Variants in TBXAS1 observed in about 807,000 individuals in gnomAD.
The protein encoded by TBXAS1 is thromboxane A synthase 1.
Under a neutral mutation model 60.7 loss-of-function variants are expected in TBXAS1, and 48 were observed. The ratio of observed to expected loss-of-function variants is 0.79; its 90% CI spans 0.63 to 1.01. The LOEUF (loss-of-function observed/expected upper bound fraction) is 1.01. Ranked by LOEUF, TBXAS1 falls within the 50% of genes least tolerant of loss-of-function variation. The probability of loss-of-function intolerance (pLI) is 0.00; values close to 1 mark genes in which losing one functional copy is unlikely to be tolerated. For synonymous variants in TBXAS1, 287 were observed against 269.7 expected (o/e 1.06, Z -0.63); for missense variants, 685 against 686.3 (o/e 1.00, Z 0.02).
chr7:139,985,044 C>A (rs1812343281), intron 9 of TBXAS1, among the ~76,000 whole-genome samples: 1 of 152,196 alleles, frequency 6.6e-6, no homozygotes. Flanking sequence ...GGCTCAAATG[C>A]CCTCCCCAGG....
At chr7:139,993,935 C>T (rs1813116862) in intron 9 of TBXAS1, among the ~76,000 whole-genome samples, 1 of 149,144 alleles carries the variant, frequency 6.7e-6, no homozygotes, top group Non-Finnish European at 1.5e-5. Flanking sequence ...CACTCTGCCA[C>T]CCAGGCTGGA....
chr7:139,902,222 A>C (rs1429821060), intron 3 of TBXAS1, among the ~76,000 whole-genome samples: 3 of 151,862 alleles, frequency 2.0e-5, no homozygotes, highest in Non-Finnish European at 2.9e-5. Flanking sequence ...AGACTATCCT[A>C]TGACCATAAG....
At chr7:139,904,407 T>G (rs180970557) in intron 3 of TBXAS1, among the ~76,000 whole-genome samples, 1 of 151,640 alleles carries the variant, frequency 6.6e-6, no homozygotes, top group East Asian at 1.9e-4. Flanking sequence ...TCTTTTTGCT[T>G]AGTCTTGCTT....
intron 4 of TBXAS1, among the ~76,000 whole-genome samples, chr7:139,813,862 T>A (rs1798084579): frequency 6.6e-6 from 1 of 152,218 alleles, no homozygotes; most frequent in Non-Finnish European, 1.5e-5. Context: ...CCAGGATGAA[T>A]GAGGTGAAGA....
chr7:139,802,464 G>A (rs980403271), intron 4 of TBXAS1, among the ~76,000 whole-genome samples: 2 of 152,276 alleles, frequency 1.3e-5, no homozygotes, highest in African/African-American at 4.8e-5. Context: ...TAGTGAATAA[G>A]TCTCTAGAGA....
chr7:139,952,575 A>G, intron 5 of TBXAS1: 1 of 1,537,260 alleles, frequency 6.5e-7, no homozygotes, highest in Non-Finnish European at 8.7e-7. Context: ...CATGCAAGAG[A>G]GAATAAAAGG....
At chr7:139,961,779 T>C in intron 8 of TBXAS1, 140 bp from the exon 9 acceptor site, 2 of 1,055,542 alleles carry the variant, frequency 1.9e-6, no homozygotes, top group Non-Finnish European at 2.8e-6. Flanking sequence ...CCGTCCCAGA[T>C]AACCCAGCAA....
intron 3 of TBXAS1, among the ~76,000 whole-genome samples, chr7:139,893,725 CTT>C (rs1262342975): frequency 4.6e-5 from 7 of 152,196 alleles, no homozygotes; most frequent in East Asian, 1.9e-4. Flanking sequence ...CTTAATTACT[CTT>C]TTTTTATTGT....
intron 9 of TBXAS1, among the ~76,000 whole-genome samples, chr7:139,985,451 C>T (rs1371130539): frequency 6.6e-6 from 1 of 152,164 alleles, no homozygotes; most frequent in Non-Finnish European, 1.5e-5. Context: ...CCAGGGTGGT[C>T]GTTAGTGCAT....
chr7:140,018,368 C>T (rs577451534), intron 12 of TBXAS1, among the ~76,000 whole-genome samples: 1 of 152,210 alleles, frequency 6.6e-6, no homozygotes, highest in African/African-American at 2.4e-5. Flanking sequence ...GCTTTGCCTT[C>T]CCCCCTTGTG....
intron 4 of TBXAS1, among the ~76,000 whole-genome samples, chr7:139,914,709 C>G (rs1477626951): frequency 6.6e-6 from 1 of 152,170 alleles, no homozygotes; most frequent in Non-Finnish European, 1.5e-5. Flanking sequence ...TTTTCCCCTT[C>G]CCTGAACTCT....
intron 9 of TBXAS1, among the ~76,000 whole-genome samples, chr7:139,970,499 C>T (rs971550238): frequency 6.6e-6 from 1 of 152,252 alleles, no homozygotes; most frequent in Non-Finnish European, 1.5e-5. Context: ...CTGAACCATA[C>T]GTACTGTGTC....
intron 4 of TBXAS1, chr7:139,913,392 A>G (rs931240647): frequency 2.1e-6 from 1 of 479,930 alleles, no homozygotes; most frequent in Non-Finnish European, 3.8e-6. Context: ...CCACCAAGCC[A>G]CATCCTGGCA....
At chr7:139,877,901 A>G (rs564804773) in intron 3 of TBXAS1, among the ~76,000 whole-genome samples, 2 of 152,168 alleles carry the variant, frequency 1.3e-5, no homozygotes, top group African/African-American at 2.4e-5. Flanking sequence ...ACTGTCTCAT[A>G]TGCCTCTGAG....
At chr7:139,876,800 C>A (rs1250816563) in intron 3 of TBXAS1, among the ~76,000 whole-genome samples, 2 of 152,138 alleles carry the variant, frequency 1.3e-5, no homozygotes, top group African/African-American at 4.8e-5. Flanking sequence ...ACATAAGCAA[C>A]AATTTATGAT....
At chr7:139,939,370 CAAAAAAAAAAA>C (rs61551753) in intron 5 of TBXAS1, among the ~76,000 whole-genome samples, 1 of 48,838 alleles carries the variant, frequency 2.0e-5, no homozygotes, top group Non-Finnish European at 3.4e-5. Context: ...GACTCCATCT[CAAAAAAAAAAA>C]AAAAAAAAAA....
intron 9 of TBXAS1, among the ~76,000 whole-genome samples, chr7:139,997,278 A>T (rs1813365378): frequency 6.6e-6 from 1 of 152,128 alleles, no homozygotes; most frequent in Admixed American, 6.5e-5. Context: ...AATGTGGTCC[A>T]CTCACTTCCC....
chr7:140,003,643 C>T (rs1365301730), intron 9 of TBXAS1, among the ~76,000 whole-genome samples: 4 of 152,150 alleles, frequency 2.6e-5, no homozygotes, highest in Admixed American at 6.5e-5. Context: ...TTTGACAAAC[C>T]GTGACAACTT....
chr7:140,005,525 C>A (rs961496771), intron 9 of TBXAS1, among the ~76,000 whole-genome samples: 1 of 152,230 alleles, frequency 6.6e-6, no homozygotes, highest in Non-Finnish European at 1.5e-5. Context: ...TCATTGGTCA[C>A]TTGCTCAGCC....
Sources: gnomAD v4.1 joint callset for allele counts (sites outside exome capture counted in the v4.1 genomes callset) on GRCh38, gnomAD v4.1.1 for gene constraint, MANE v1.5 for transcripts, NCBI Gene and HGNC (gene_info 2026-07-23, HGNC 2026-07-21) for gene names.